CLVS1: variants seen among roughly 807,000 people sequenced by gnomAD.
The protein encoded by CLVS1 is clavesin 1, also known as clavesin-1.
A neutral mutation model predicts 33.1 loss-of-function variants in CLVS1; 10 were observed. The ratio of observed to expected loss-of-function variants is 0.30; its 90% CI spans 0.19 to 0.51. CLVS1 has a LOEUF of 0.51. Ranked by LOEUF, CLVS1 falls within the 20% of genes least tolerant of loss-of-function variation. CLVS1 has a pLI of 0.97. For missense variants in CLVS1, 343 were observed against 433.4 expected (o/e 0.79, Z 1.85); for synonymous variants, 163 against 166.1 (o/e 0.98, Z 0.14).
At chr8:61,475,725 C>A (rs1333685452) in intron 5 of CLVS1, among the ~76,000 whole-genome samples, 1 of 151,666 alleles carries the variant, frequency 6.6e-6, no homozygotes, top group Non-Finnish European at 1.5e-5. Flanking sequence ...GGTTGCAAAA[C>A]TTTTCTCCCA....
Position 61,199,478 on chromosome 8 carries a change from T to C in CLVS1, c.-152+67618T>C, listed in dbSNP as rs192445355. ...AACAGACATTTCTCAAAAGAAAATATACAAATGACCATCAAACATTGGAAA... is the reference window on the plus strand; with the variant it reads ...AACAGACATTTCTCAAAAGAAAATACACAAATGACCATCAAACATTGGAAA... On this transcript the variant is annotated intron_variant, in intron 2 of 2. Coordinates refer to the CLVS1 transcript ENST00000522621. Among the ~76,000 whole-genome samples the C allele has an allele frequency of 3.9e-3, 601 of 152,262 alleles. 6 individuals carry two copies. Among genetic ancestry groups the C allele is most frequent in the African/African-American group, 0.013 (549 of 41,546 alleles).
rs143239989 is a variant in CLVS1, at chr8:61,316,106, G to A, written c.455+15824G>A. The stretch of plus-strand genomic sequence containing the variant: ...GTATTCTATGGTGTATATGTGTCAC[G>A]TTTTCTTTATCCAGTCTATCCGTTT... On this transcript the variant is annotated intron_variant, in intron 2 of 5. Coordinates refer to ENST00000325897, the MANE Select transcript of CLVS1 (RefSeq NM_173519.3). 4.8e-3 allele frequency among the ~76,000 whole-genome samples: 727 copies of A among 152,084 alleles called. 2 individuals carry two copies. The highest frequency in any genetic ancestry group is 0.01 in the South Asian group (49 of 4,814).
chr8:61,487,176 G>A (rs1011063836), intron 5 of CLVS1, among the ~76,000 whole-genome samples: 6 of 152,186 alleles, frequency 3.9e-5, no homozygotes, highest in African/African-American at 1.2e-4. Flanking sequence ...ACCACAGTAT[G>A]AGTGGCAAGG....
At chr8:61,468,716 TAAAAA>T (rs5891803) in intron 5 of CLVS1, among the ~76,000 whole-genome samples, 60 of 92,474 alleles carry the variant, frequency 6.5e-4, no homozygotes, top group African/African-American at 2.5e-3. Flanking sequence ...GTAAAAGTAC[TAAAAA>T]AAAAAAAAAA....
intron 5 of CLVS1, among the ~76,000 whole-genome samples, chr8:61,481,009 C>G (rs1208995325): frequency 2.6e-5 from 4 of 151,968 alleles, no homozygotes; most frequent in Non-Finnish European, 5.9e-5. Context: ...CAGTGTATGG[C>G]CAAGAGAAAG....
rs1386462277 is a variant in CLVS1 at position 61,374,896 on chromosome 8, T to C, written c.456-1709T>C. ...GAAGGAGGAAAATTTTGGCTTAATA[T>C]AAGGAAATGATTTTTAGTAAGAAGA... is the stretch of plus-strand genomic sequence containing the variant. On this transcript the variant is annotated intron_variant, in intron 2 of 5. Coordinates refer to ENST00000325897, the MANE Select transcript of CLVS1 (RefSeq NM_173519.3). Among the ~76,000 whole-genome samples the C allele has an allele frequency of 2.6e-5, 4 of 152,112 alleles. No individual in the cohort carries two copies. The South Asian group carries it at 6.2e-4, about 24-fold the overall frequency.
rs73685748 is a variant in CLVS1 at position 61,142,533 on chromosome 8, G to A, written c.-152+10673G>A. Among the ~76,000 whole-genome samples, 717 of 152,328 alleles carry A rather than the reference G, an allele frequency of 4.7e-3. 5 individuals carry two copies. The highest frequency in any genetic ancestry group is 0.016 in the African/African-American group (666 of 41,576). On this transcript the variant is annotated intron_variant, in intron 2 of 2. Coordinates refer to the CLVS1 transcript ENST00000522621. Reference sequence around the variant, plus strand: ...AAGCATCACTAGGAAAAAAGGGAAAGGAAGAAACAATGCCCGCCTCTTGCC... The same window carrying A: ...AAGCATCACTAGGAAAAAAGGGAAAAGAAGAAACAATGCCCGCCTCTTGCC...
intron 1 of CLVS1, among the ~76,000 whole-genome samples, chr8:61,078,626 C>G (rs984761226): frequency 6.6e-6 from 1 of 152,158 alleles, no homozygotes; most frequent in Non-Finnish European, 1.5e-5. Context: ...AATAATAAAT[C>G]TAACAAGTTT....
intron 3 of CLVS1, among the ~76,000 whole-genome samples, chr8:61,424,233 G>T (rs921553725): frequency 6.6e-6 from 1 of 152,168 alleles, no homozygotes; most frequent in African/African-American, 2.4e-5. Context: ...TGAATGCTTG[G>T]ATTTCACAAA....
chr8:61,245,364 T>G (rs1489449224), intron 2 of CLVS1, among the ~76,000 whole-genome samples: 2 of 152,026 alleles, frequency 1.3e-5, no homozygotes. Context: ...TTTTTTGTAT[T>G]TTAGTAGAGA....
At chr8:61,432,885 A>G (rs1816168835) in intron 3 of CLVS1, among the ~76,000 whole-genome samples, 2 of 152,094 alleles carry the variant, frequency 1.3e-5, no homozygotes, top group Admixed American at 1.3e-4. Context: ...TTTTCCAAAG[A>G]GAGTTTTGAG....
In CLVS1 at chr8:61,500,402, T is replaced by A. The variant is rs1226686886; in HGVS notation, c.*860T>A. On this transcript the variant is annotated 3_prime_UTR_variant, in exon 6 of 6. Coordinates refer to ENST00000325897, the MANE Select transcript of CLVS1 (RefSeq NM_173519.3). ...GCAAAGAAAAGTGCTATCAAACCAT[T>A]TACCCTTGCCCCCACAACCCTCCTG... 1 of 151,938 alleles carries A rather than the reference T, an allele frequency of 6.6e-6. No homozygotes were observed. The highest frequency in any genetic ancestry group is 1.5e-5 in the Non-Finnish European group (1 of 67,910). 9.4% of individuals were successfully genotyped at this position (151,938 alleles called of 1,614,324 possible). A position where few individuals can be genotyped will look rare whatever the true frequency, so the allele number is the denominator to read the frequency against.
chr8:61,312,830 T>C (rs1419175038), intron 2 of CLVS1, among the ~76,000 whole-genome samples: 2 of 152,190 alleles, frequency 1.3e-5, no homozygotes, highest in Non-Finnish European at 2.9e-5. Context: ...CTAATTATGT[T>C]TGGGGCCTGC....
At chr8:61,010,018 C>T in the CLVS1 span, among the ~76,000 whole-genome samples, 1 of 152,210 alleles carries the variant, frequency 6.6e-6, no homozygotes, top group Admixed American at 6.5e-5. Flanking sequence ...GCTCCCTTGA[C>T]CACAGGAGCT....
the CLVS1 span, among the ~76,000 whole-genome samples, chr8:61,015,296 G>C: frequency 6.6e-6 from 1 of 152,234 alleles, no homozygotes; most frequent in African/African-American, 2.4e-5. Context: ...GAGGGACAGA[G>C]AGGCTAAGTA....
the CLVS1 span, among the ~76,000 whole-genome samples, chr8:60,986,772 A>G: frequency 2.0e-5 from 3 of 152,202 alleles, no homozygotes; most frequent in Admixed American, 6.5e-5. Context: ...TCCTCCATCA[A>G]TTATATCCTG....
intron 3 of CLVS1, among the ~76,000 whole-genome samples, chr8:61,444,517 T>C (rs1009294308): frequency 2.6e-5 from 4 of 152,236 alleles, no homozygotes; most frequent in African/African-American, 9.6e-5. Flanking sequence ...CTTGTTAATA[T>C]GATGAATTAC....
intron 2 of CLVS1, among the ~76,000 whole-genome samples, chr8:61,304,136 T>A (rs1585775304): frequency 6.6e-6 from 1 of 152,244 alleles, no homozygotes; most frequent in African/African-American, 2.4e-5. Context: ...ACCAGGGGCC[T>A]GAGATGACTG....
chr8:61,456,550 A>G (rs1486027802), intron 4 of CLVS1, among the ~76,000 whole-genome samples: 1 of 152,200 alleles, frequency 6.6e-6, no homozygotes, highest in East Asian at 1.9e-4. Context: ...TCATTACATC[A>G]TGAGTTAAAA....
Sources: gnomAD v4.1 joint callset for allele counts (sites outside exome capture counted in the v4.1 genomes callset) on GRCh38, gnomAD v4.1.1 for gene constraint, MANE v1.5 for transcripts, NCBI Gene and HGNC (gene_info 2026-07-23, HGNC 2026-07-21) for gene names.